CACNA1S: variants seen among roughly 807,000 people sequenced by gnomAD.
The protein encoded by CACNA1S is voltage-dependent L-type calcium channel subunit alpha-1S.
In CACNA1S, 126 loss-of-function variants were observed where a neutral mutation model predicts 207.4. The observed-to-expected ratio is 0.61, with a 90% CI of 0.53 to 0.70. The LOEUF (loss-of-function observed/expected upper bound fraction) is 0.70, where lower values mean the gene tolerates loss of function less well. CACNA1S is among the 30% of genes least tolerant of loss of function. The pLI, the probability that CACNA1S is intolerant of heterozygous loss-of-function variation, is 0.00. For synonymous variants in CACNA1S, 960 were observed against 932.7 expected, an observed-to-expected ratio of 1.03 and a Z score of -0.53; for missense variants, 2,349 against 2,422.8, an observed-to-expected ratio of 0.97 and a Z score of 0.64.
intron 35 of CACNA1S, 136 bp downstream of exon 35, chr1:201,048,867 C>A: frequency 2.4e-6 from 2 of 844,788 alleles, no homozygotes; most frequent in South Asian, 2.9e-5. Context: ...AGACTTCAGG[C>A]CCTTTGGGAG....
chr1:201,097,362 C>T (rs941097722), intron 2 of CACNA1S, among the ~76,000 whole-genome samples: 12 of 152,148 alleles, frequency 7.9e-5, no homozygotes, highest in Non-Finnish European at 1.2e-4. Context: ...ACCCCTCTGG[C>T]CTCGTCACCA....
chr1:201,091,942 A>C, intron 4 of CACNA1S, 30 bp downstream of exon 4: 1 of 1,613,694 alleles, frequency 6.2e-7, no homozygotes, highest in South Asian at 1.1e-5. Flanking sequence ...GGGAGAGGAG[A>C]AAGGGGTCTG....
intron 9 of CACNA1S, 123 bp from the exon 10 acceptor site, chr1:201,083,445 G>T: frequency 2.1e-6 from 2 of 950,174 alleles, no homozygotes; most frequent in Admixed American, 1.7e-5. Flanking sequence ...CCAGCCACAT[G>T]AGAGAAGCTC....
At position 201,092,043 on chromosome 1, in the gene CACNA1S, G is replaced by C. The variant is rs1662254049; in HGVS notation, c.470C>G (p.Ala157Gly). 2 of 1,614,104 alleles carry C rather than the reference G, an allele frequency of 1.2e-6. No homozygotes were observed. The highest frequency in any genetic ancestry group is 1.7e-6 in the Non-Finnish European group (2 of 1,180,020). The change falls in exon 4 of 44, where the codon GCC becomes GGC. Residue 157 changes from alanine (A) to glycine (G), a missense_variant. Ala to Gly is a moderately conservative substitution (Grantham distance 60, BLOSUM62 0). Coordinates refer to ENST00000362061, the MANE Select transcript of CACNA1S (RefSeq NM_000069.3). ...SHTAPMSSKGAGLDVKALRAF... is the reference protein window; with the variant it reads ...SHTAPMSSKGGGLDVKALRAF... ...TCTGAGGGCCTTGACATCCAAGCCG[G>C]CTCCTTTGCTGCTCATTGGGGCTGT...
chr1:201,088,774 T>C lies in CACNA1S; in HGVS notation c.900+484A>G, dbSNP rs2102159322. Among the ~76,000 whole-genome samples the C allele has an allele frequency of 1.3e-5, 2 of 152,350 alleles. 1 individual carries two copies. Among genetic ancestry groups the C allele is most frequent in the South Asian group, 4.1e-4 (2 of 4,824 alleles). On this transcript the variant is annotated intron_variant, in intron 6 of 43. Transcript: ENST00000362061. The stretch of plus-strand genomic sequence containing the variant: ...CAACAAAGAAACTCTTACTGGAGTG[T>C]TGACTGTGTGCCGGGCACTGTTGTA...
At chr1:201,094,049 G>A (rs1326701783) in intron 2 of CACNA1S, 28 bp from the exon 3 acceptor site, 1 of 1,613,894 alleles carries the variant, frequency 6.2e-7, no homozygotes, top group South Asian at 1.1e-5. Context: ...GTCACAGCAT[G>A]CCTCTGTGCT....
At chr1:201,079,860 A>G (rs1227416002) in intron 10 of CACNA1S, among the ~76,000 whole-genome samples, 1 of 152,176 alleles carries the variant, frequency 6.6e-6, no homozygotes, top group East Asian at 1.9e-4. Flanking sequence ...CATTCTGTAT[A>G]GTAAGTTTCC....
intron 37 of CACNA1S, 75 bp downstream of exon 37, chr1:201,047,450 G>T (rs1558054413): frequency 5.9e-6 from 8 of 1,358,796 alleles, no homozygotes; most frequent in Non-Finnish European, 5.2e-6. Flanking sequence ...AGATTCCCAT[G>T]GGGCTCCTTG....
chr1:201,069,509 G>A lies in CACNA1S; in HGVS notation c.2453C>T (p.Ala818Val), dbSNP rs372668776. Residue 818 changes from alanine to valine, a missense_variant, in exon 18 of 44, where the codon GCG becomes GTG. Coordinates refer to ENST00000362061, the MANE Select transcript of CACNA1S (RefSeq NM_000069.3). ...GGAATCAGCCCGGATGGGGTCTTCC[G>A]CAGCCAGTGCAGCGCTGCTGAGCAG... ...FILLSSAALA[A>V]EDPIRADSMR... 2.6e-5 allele frequency: 41 copies of A among 1,596,370 alleles called. No individual in the cohort carries two copies. Among genetic ancestry groups the A allele is most frequent in the African/African-American group, 6.7e-5 (5 of 74,978 alleles).
At chr1:201,062,330 C>T (rs1661078618) in intron 23 of CACNA1S, 132 bp downstream of exon 23, 2 of 1,033,240 alleles carry the variant, frequency 1.9e-6, no homozygotes, top group Admixed American at 1.7e-5. Context: ...CACACAGTCC[C>T]CTGCCCTGTG....
intron 2 of CACNA1S, among the ~76,000 whole-genome samples, chr1:201,104,964 G>A (rs914652805): frequency 6.6e-6 from 1 of 152,218 alleles, no homozygotes; most frequent in South Asian, 2.1e-4. Flanking sequence ...TGCCTCATGG[G>A]CATTCAGTGT....
intron 2 of CACNA1S, among the ~76,000 whole-genome samples, chr1:201,098,175 A>G (rs985235177): frequency 2.0e-5 from 3 of 152,238 alleles, no homozygotes; most frequent in African/African-American, 7.2e-5. Context: ...TGCTGTGTCA[A>G]CTGCATCTAG....
At chr1:201,085,415 C>A in intron 8 of CACNA1S, 21 bp downstream of exon 8, 1 of 1,613,878 alleles carries the variant, frequency 6.2e-7, no homozygotes, top group Non-Finnish European at 8.5e-7. Flanking sequence ...TGAGTGCTGA[C>A]CACAGCCTTT....
intron 39 of CACNA1S, 108 bp from the exon 40 acceptor site, chr1:201,043,639 A>T: frequency 9.7e-7 from 1 of 1,027,994 alleles, no homozygotes; most frequent in South Asian, 1.4e-5. Context: ...TTGGGAGACA[A>T]ATCTTATAAG....
At chr1:201,041,068 C>G (rs1230990638) in intron 41 of CACNA1S, among the ~76,000 whole-genome samples, 6 of 152,196 alleles carry the variant, frequency 3.9e-5, no homozygotes, top group Admixed American at 3.9e-4. Context: ...CCCCAGCATC[C>G]TTGGGGCTCC....
intron 8 of CACNA1S, among the ~76,000 whole-genome samples, 178 bp from the exon 9 acceptor site, chr1:201,085,209 C>T (rs1661994372): frequency 6.6e-6 from 1 of 152,100 alleles, no homozygotes; most frequent in Admixed American, 6.5e-5. Context: ...GCTAAAGAGC[C>T]CACTTTATCT....
chr1:201,110,866 C>G (rs549847565), intron 1 of CACNA1S, among the ~76,000 whole-genome samples: 1 of 152,334 alleles, frequency 6.6e-6, no homozygotes, highest in East Asian at 1.9e-4. Flanking sequence ...AGAGGGTACC[C>G]CAGGCCCATG....
chr1:201,067,536 C>T (rs959579761), intron 19 of CACNA1S, among the ~76,000 whole-genome samples: 3 of 152,156 alleles, frequency 2.0e-5, no homozygotes, highest in Non-Finnish European at 2.9e-5. Context: ...CCCTTAAAAT[C>T]GAACAGGGTT....
At chr1:201,103,891 G>A (rs767506086) in intron 2 of CACNA1S, among the ~76,000 whole-genome samples, 2 of 152,208 alleles carry the variant, frequency 1.3e-5, no homozygotes, top group East Asian at 1.9e-4. Context: ...CCAGGAATGC[G>A]ACAGGGGCCT....
Sources: allele counts gnomAD v4.1 joint callset (sites outside exome capture counted in the v4.1 genomes callset), GRCh38; gene constraint gnomAD v4.1.1; transcripts MANE v1.5; gene names NCBI Gene and HGNC (gene_info 2026-07-23, HGNC 2026-07-21).